The following DLX3 variants were observed in gnomAD, a reference collection of about 807,000 sequenced individuals.
DLX3 encodes distal-less homeobox 3, also known as homeobox protein DLX-3.
DLX3 carries 9 observed loss-of-function variants against 28.0 expected under a neutral mutation model. The ratio of observed to expected loss-of-function variants is 0.32; its 90% CI spans 0.19 to 0.56. The LOEUF (loss-of-function observed/expected upper bound fraction) is 0.56. Ranked by LOEUF, DLX3 falls within the 20% of genes least tolerant of loss-of-function variation. DLX3 has a pLI of 0.91. For missense variants in DLX3, 313 were observed against 378.2 expected, an observed-to-expected ratio of 0.83 and a Z score of 1.43; for synonymous variants, 154 against 167.9, an observed-to-expected ratio of 0.92 and a Z score of 0.64.
chr17:49,991,294 A>AG lies in DLX3; in HGVS notation c.*222dup. ...TGGGGTGGAATGTCCCCACATCTGG[A>AG]GGGGTACCCCAGTGTCTAGGCAGAG... is the stretch of plus-strand genomic sequence containing the variant. On this transcript the variant is annotated 3_prime_UTR_variant, in exon 3 of 3. Transcript: ENST00000434704. The AG allele has an allele frequency of 1.8e-6, 1 of 549,598 alleles. No individual in the cohort carries two copies. The highest frequency in any genetic ancestry group is 3.2e-6 in the Non-Finnish European group (1 of 313,428). 34.0% of individuals were successfully genotyped at this position (549,598 alleles called of 1,614,324 possible).
chr17:49,994,811 T>C lies in DLX3; in HGVS notation c.188A>G (p.Tyr63Cys), dbSNP rs1426285240. 1.2e-6 allele frequency: 2 copies of C among 1,614,054 alleles called. No individual in the cohort carries two copies. Among genetic ancestry groups the C allele is most frequent in the African/African-American group, 2.7e-5 (2 of 74,918 alleles). ...GQPYGQTVNPYTYHHQFNLNG... is the reference protein window; with the variant it reads ...GQPYGQTVNPCTYHHQFNLNG... Reference sequence around the variant, plus strand: ...GAGATTGAATTGGTGGTGGTAGGTGTAGGGGTTCACCGTCTGGCCATAGGG... The same window carrying C: ...GAGATTGAATTGGTGGTGGTAGGTGCAGGGGTTCACCGTCTGGCCATAGGG... The change falls in exon 1 of 3, where the codon TAC (tyrosine) becomes TGC (cysteine). Residue 63 changes from tyrosine to cysteine, a missense_variant. Transcript: ENST00000434704.
chr17:49,993,665 C>A lies in DLX3; in HGVS notation c.326-75G>T, dbSNP rs541568087. 8.6e-6 allele frequency: 13 copies of A among 1,518,692 alleles called. No homozygotes were observed. The East Asian group carries it at 1.7e-4, about 20-fold the overall frequency. The allele number at this position is 1,518,692 out of a possible 1,614,324, so 94.1% of individuals were successfully genotyped here. A position where few individuals can be genotyped will look rare whatever the true frequency, so the allele number is the denominator to read the frequency against. ...CGACTCCTGCGACCCTCCAGGGCCC[C>A]GCCGGACGCCCCTCGCTTCCGCCCA... On this transcript the variant is annotated intron_variant, in intron 1 of 2. Coordinates refer to ENST00000434704, the MANE Select transcript of DLX3 (RefSeq NM_005220.3).
At position 49,994,832 on chromosome 17, in the gene DLX3, T is replaced by C. The variant is rs1194067869; in HGVS notation, c.167A>G (p.Tyr56Cys). 4.3e-6 allele frequency: 7 copies of C among 1,614,052 alleles called. No individual in the cohort carries two copies. The highest frequency in any genetic ancestry group is 1.6e-4 in the Middle Eastern group (1 of 6,084). ...PQHDYYSGQP[Y>C]GQTVNPYTYH... ...GGTGTAGGGGTTCACCGTCTGGCCATAGGGCTGGCCCGAGTAGTAATCGTG... is the reference window on the plus strand; with the variant it reads ...GGTGTAGGGGTTCACCGTCTGGCCACAGGGCTGGCCCGAGTAGTAATCGTG... The change falls in exon 1 of 3, where the codon TAT becomes TGT. Residue 56 changes from tyrosine (Y) to cysteine (C), a missense_variant. Transcript: ENST00000434704.
chr17:49,990,564 G>C lies in DLX3; in HGVS notation c.*953C>G, dbSNP rs564074582. On this transcript the variant is annotated 3_prime_UTR_variant, in exon 3 of 3. Coordinates refer to ENST00000434704, the MANE Select transcript of DLX3 (RefSeq NM_005220.3). ...TGTTTCCAAGGCCACCGGAAAGGAG[G>C]TGTTTGGGGGTTTGTCTTGCCTGGT... The C allele has an allele frequency of 6.6e-6, 1 of 152,506 alleles. No individual in the cohort carries two copies. The highest frequency in any genetic ancestry group is 1.5e-5 in the Non-Finnish European group (1 of 68,034). The allele number at this position is 152,506 out of a possible 1,614,324, so 9.4% of individuals were successfully genotyped here. A position where few individuals can be genotyped will look rare whatever the true frequency, so the allele number is the denominator to read the frequency against.
Position 49,995,052 on chromosome 17 carries a change from A to G in DLX3, c.-54T>C. The G allele has an allele frequency of 6.3e-7, 1 of 1,589,644 alleles. No homozygotes were observed. Among genetic ancestry groups the G allele is most frequent in the East Asian group, 2.3e-5 (1 of 44,346 alleles). On this transcript the variant is annotated 5_prime_UTR_variant, in exon 1 of 3. Transcript: ENST00000434704. ...TGGCCTCCGCAGAGGACAGGAACGG[A>G]CCGGAGTGCGAGAGAGGCGGAAGAG...
chr17:49,993,590 A>G lies in DLX3; in HGVS notation c.326T>C (p.Val109Ala). The change falls in exon 2 of 3, where the codon GTG (valine) becomes GCG (alanine). Residue 109 changes from valine to alanine, a missense_variant and splice_region_variant. Physicochemically the swap from Val to Ala is moderately conservative, Grantham distance 64 (BLOSUM62 0). This residue lies in a region of DLX3 where 183 missense variants were observed against 197.7 expected (regional missense o/e 0.93). Transcript: ENST00000434704. ...TGCTTCCGGCTCCTCCTTCACCGAC[A>G]CTGCGGGGAACGCACCGGGCGGAAG... is the stretch of plus-strand genomic sequence containing the variant. Reference protein sequence around the residue: ...REQPLPAQDPVSVKEEPEAEV... With the variant: ...REQPLPAQDPASVKEEPEAEV... 4 of 1,612,864 alleles carry G rather than the reference A, an allele frequency of 2.5e-6. 1 individual carries two copies. Among genetic ancestry groups the G allele is most frequent in the South Asian group, 2.2e-5 (2 of 91,008 alleles).
intron 2 of DLX3, among the ~76,000 whole-genome samples, chr17:49,992,800 G>A (rs1016999198): frequency 1.3e-5 from 2 of 152,190 alleles, no homozygotes; most frequent in East Asian, 1.9e-4. Flanking sequence ...TGAGGGTGGG[G>A]GTGCGGCACT....
chr17:49,991,867 G>A lies in DLX3; in HGVS notation c.517-3C>T, dbSNP rs770967472. The stretch of plus-strand genomic sequence containing the variant: ...CGGTTCTGGAACCAGATTTTCACCT[G>A]GGCCAGAGAAGAAAGGGGTAGCTAG... On this transcript the variant is annotated splice_region_variant and splice_polypyrimidine_tract_variant and intron_variant, in intron 2 of 2. Transcript: ENST00000434704. 1.8e-5 allele frequency: 29 copies of A among 1,613,428 alleles called. No individual in the cohort carries two copies. In the East Asian group the frequency reaches 5.8e-4, roughly 32 times the overall value.
chr17:49,994,907 G>A lies in DLX3; in HGVS notation c.92C>T (p.Thr31Ile), dbSNP rs758662303. 6.2e-7 allele frequency: 1 copy of A among 1,614,184 alleles called. No homozygotes were observed. Among genetic ancestry groups the A allele is most frequent in the Admixed American group, 1.7e-5 (1 of 60,032 alleles). Residue 31 changes from threonine (T) to isoleucine (I), a missense_variant, in exon 1 of 3, where the codon ACC (threonine) becomes ATC (isoleucine). Around this residue, in one of 3 missense-constraint regions of DLX3, gnomAD observed 183 missense variants for 197.7 expected, o/e 0.93. Transcript: ENST00000434704. ...GTCAGTGACAGAAGACTCGGGCAGG[G>A]TAGGCGAGTCCTTGGAGCCCGCATG... The part of the protein sequence containing the change: ...SCHAGSKDSP[T>I]LPESSVTDLG...
At chr17:49,992,823 C>T (rs1219715059) in intron 2 of DLX3, among the ~76,000 whole-genome samples, 1 of 152,098 alleles carries the variant, frequency 6.6e-6, no homozygotes, top group African/African-American at 2.4e-5. Context: ...CTTTTGAGTC[C>T]CCATCTCCTT....
In DLX3 at chr17:49,991,618, G is replaced by A. The variant is rs1357396789; in HGVS notation, c.763C>T (p.Gln255Ter). The part of the protein sequence containing the change: ...DDPTNSWYHA[Q>*]NLSGPHLQQQ... ...TGTAAGTGGGGTCCACTCAGGTTCT[G>A]TGCGTGATACCAGGAGTTGGTGGGG... Residue 255 changes from glutamine (Q) to a stop codon, truncating the protein, a stop_gained, in exon 3 of 3, where the codon CAG (glutamine) becomes TAG (stop). Coordinates refer to ENST00000434704, the MANE Select transcript of DLX3 (RefSeq NM_005220.3). LOFTEE classifies it high-confidence loss of function. 1.9e-6 allele frequency: 3 copies of A among 1,613,700 alleles called. No homozygotes were observed. The highest frequency in any genetic ancestry group is 2.5e-6 in the Non-Finnish European group (3 of 1,180,014).
rs1353176736 is a variant in DLX3 at position 49,990,021 on chromosome 17, T to C, written c.*1496A>G. On this transcript the variant is annotated 3_prime_UTR_variant, in exon 3 of 3. Coordinates refer to ENST00000434704, the MANE Select transcript of DLX3 (RefSeq NM_005220.3). Reference sequence around the variant, plus strand: ...GCTCAGTGGTTATTTTCGTCTTTTTTATTAACATTATATATAAAGATGAGT... The same window carrying C: ...GCTCAGTGGTTATTTTCGTCTTTTTCATTAACATTATATATAAAGATGAGT... The C allele has an allele frequency of 6.6e-6, 1 of 152,618 alleles. No individual in the cohort carries two copies. Among genetic ancestry groups the C allele is most frequent in the Non-Finnish European group, 1.5e-5 (1 of 68,054 alleles). 9.5% of individuals were successfully genotyped at this position (152,618 alleles called of 1,614,324 possible).
intron 2 of DLX3, among the ~76,000 whole-genome samples, chr17:49,992,259 C>A (rs1311627262): frequency 6.6e-6 from 1 of 152,088 alleles, no homozygotes; most frequent in Non-Finnish European, 1.5e-5. Flanking sequence ...AATAAAAGGC[C>A]GTTGAGGTGG....
chr17:49,991,797 A>G lies in DLX3; in HGVS notation c.584T>C (p.Leu195Pro). Reference protein sequence around the residue: ...KKLYKNGEVPLEHSPNNSDSM... With the variant: ...KKLYKNGEVPPEHSPNNSDSM... ...ATCACTGTTATTGGGACTGTGCTCC[A>G]GCGGCACCTCCCCGTTCTTGTAGAG... Residue 195 changes from leucine (L) to proline (P), a missense_variant, in exon 3 of 3, where the codon CTG becomes CCG. This residue lies in a region of DLX3 where 120 missense variants were observed against 145.4 expected (regional missense o/e 0.83). Coordinates refer to ENST00000434704, the MANE Select transcript of DLX3 (RefSeq NM_005220.3). 1 of 1,614,134 alleles carries G rather than the reference A, an allele frequency of 6.2e-7. No individual in the cohort carries two copies. The highest frequency in any genetic ancestry group is 8.5e-7 in the Non-Finnish European group (1 of 1,180,008).
intron 1 of DLX3, among the ~76,000 whole-genome samples, chr17:49,994,113 T>G (rs963227167): frequency 7.3e-6 from 1 of 137,730 alleles, no homozygotes; most frequent in Non-Finnish European, 1.6e-5. Flanking sequence ...CTCCTTCCTT[T>G]CTTGTTTCTT....
At chr17:49,993,292 G>A in intron 2 of DLX3, 108 bp downstream of exon 2, 2 of 1,210,160 alleles carry the variant, frequency 1.7e-6, no homozygotes, top group Non-Finnish European at 2.3e-6. Flanking sequence ...CCAAAGGCAA[G>A]AGTTCCAGGA....
chr17:49,994,852 A>G lies in DLX3; in HGVS notation c.147T>C (p.Asp49=). 6.2e-7 allele frequency: 1 copy of G among 1,614,210 alleles called. No homozygotes were observed. Among genetic ancestry groups the G allele is most frequent in the South Asian group, 1.1e-5 (1 of 91,086 alleles). Residue 49 remains aspartate, a synonymous_variant, in exon 1 of 3, where the codon GAT becomes GAC. Transcript: ENST00000434704. ...DLGYYSAPQH[D]YYSGQPYGQT... Reference sequence around the variant, plus strand: ...GGCCATAGGGCTGGCCCGAGTAGTAATCGTGCTGGGGAGCGCTGTAGTAGC... The same window carrying G: ...GGCCATAGGGCTGGCCCGAGTAGTAGTCGTGCTGGGGAGCGCTGTAGTAGC...
chr17:49,993,412 G>A lies in DLX3; in HGVS notation c.504C>T (p.Leu168=), dbSNP rs1474729515. 6.2e-7 allele frequency: 1 copy of A among 1,604,902 alleles called. No homozygotes were observed. The highest frequency in any genetic ancestry group is 2.2e-5 in the East Asian group (1 of 44,744). ...ERAELAAQLG[L]TQTQVKIWFQ... is the part of the protein sequence containing the mutation. ...GCCAAACACCAACCTGTGTCTGCGT[G>A]AGGCCCAGCTGCGCGGCCAGCTCGG... is the stretch of plus-strand genomic sequence containing the variant. The change falls in exon 2 of 3, where the codon CTC becomes CTT. Residue 168 remains leucine, a synonymous_variant. Coordinates refer to ENST00000434704, the MANE Select transcript of DLX3 (RefSeq NM_005220.3).
rs150591955 is a variant in DLX3 at position 49,995,130 on chromosome 17, G to C, written c.-132C>G. 2 of 1,144,866 alleles carry C rather than the reference G, an allele frequency of 1.7e-6. No homozygotes were observed. The highest frequency in any genetic ancestry group is 1.5e-5 in the African/African-American group (1 of 65,164). The allele number at this position is 1,144,866 out of a possible 1,614,324, so 70.9% of individuals were successfully genotyped here. A position where few individuals can be genotyped will look rare whatever the true frequency, so the allele number is the denominator to read the frequency against. ...CGAAGGGAGGACCCGGCCGCGTCTG[G>C]GGGGAGGGGGAGGCCGAGAGGCGCT... On this transcript the variant is annotated 5_prime_UTR_variant, in exon 1 of 3. Coordinates refer to ENST00000434704, the MANE Select transcript of DLX3 (RefSeq NM_005220.3).
Sources: allele counts gnomAD v4.1 joint callset (sites outside exome capture counted in the v4.1 genomes callset), GRCh38; gene constraint gnomAD v4.1.1; regional missense constraint gnomAD v4.1.1; transcripts MANE v1.5; gene names NCBI Gene and HGNC (gene_info 2026-07-23, HGNC 2026-07-21).